The following WWC2 variants were observed in gnomAD, a reference collection of about 807,000 sequenced individuals.
WWC2 encodes protein WWC2.
WWC2 carries 101 observed loss-of-function variants against 138.5 expected under a neutral mutation model. The observed-to-expected ratio is 0.73, with a 90% CI of 0.62 to 0.86. The LOEUF is 0.86. Ranked by LOEUF, WWC2 falls within the 40% of genes least tolerant of loss-of-function variation. The pLI is 0.00. For synonymous variants in WWC2, 558 were observed against 538.4 expected, an observed-to-expected ratio of 1.04 and a Z score of -0.50; for missense variants, 1,420 against 1,419.4, an observed-to-expected ratio of 1.00 and a Z score of -0.01.
At chr4:183,222,884 T>G (rs1052995828) in intron 4 of WWC2, among the ~76,000 whole-genome samples, 1 of 152,160 alleles carries the variant, frequency 6.6e-6, no homozygotes, top group Non-Finnish European at 1.5e-5. Flanking sequence ...GAGAATCACT[T>G]GAACCTGGGA....
intron 17 of WWC2, chr4:183,281,186 A>G (rs1738060945): frequency 2.3e-6 from 1 of 437,390 alleles, no homozygotes; most frequent in Non-Finnish European, 4.0e-6. Context: ...TGATTTTGAA[A>G]GGTATGGTAG....
chr4:183,240,572 G>A (rs1035625595), intron 5 of WWC2: 24 of 195,698 alleles, frequency 1.2e-4, no homozygotes, highest in African/African-American at 4.9e-4. Flanking sequence ...GTGGTACAGA[G>A]CTAAGAGACT....
intron 17 of WWC2, chr4:183,281,130 A>C (rs1738058596): frequency 1.9e-6 from 1 of 512,832 alleles, no homozygotes. Flanking sequence ...GTTTCGAGTA[A>C]TTTTAAAACA....
rs552493930 is a variant in WWC2, at chr4:183,319,297, G to A, written c.*3568G>A. On this transcript the variant is annotated 3_prime_UTR_variant, in exon 23 of 23. Coordinates refer to ENST00000403733, the MANE Select transcript of WWC2 (RefSeq NM_024949.6). ...GATTAATGTTTTATTTACCACTTCT[G>A]TGCAATCGCTATTTTAAAATTGAGA... 9.8e-6 allele frequency: 4 copies of A among 407,554 alleles called. No homozygotes were observed. In the South Asian group the frequency reaches 1.8e-4, roughly 18 times the overall value. The allele number at this position is 407,554 out of a possible 1,614,324, so 25.2% of individuals were successfully genotyped here. A position where few individuals can be genotyped will look rare whatever the true frequency, so the allele number is the denominator to read the frequency against.
chr4:183,163,316 G>A (rs571952019), intron 1 of WWC2, among the ~76,000 whole-genome samples: 23 of 152,306 alleles, frequency 1.5e-4, no homozygotes, highest in African/African-American at 4.3e-4. Flanking sequence ...CTGGGCTGCC[G>A]GAGTAGCCAT....
intron 16 of WWC2, among the ~76,000 whole-genome samples, chr4:183,277,983 T>G (rs1449766898): frequency 1.3e-5 from 2 of 151,926 alleles, no homozygotes; most frequent in Non-Finnish European, 2.9e-5. Flanking sequence ...TTAGTTTAAT[T>G]AGATCCCATT....
intron 4 of WWC2, among the ~76,000 whole-genome samples, chr4:183,218,542 A>G (rs1214560558): frequency 6.6e-6 from 1 of 152,224 alleles, no homozygotes; most frequent in East Asian, 1.9e-4. Flanking sequence ...GATATTTGTT[A>G]TAAAGAATTG....
intron 1 of WWC2, among the ~76,000 whole-genome samples, chr4:183,189,252 TG>T (rs1490404563): frequency 6.6e-6 from 1 of 151,496 alleles, no homozygotes; most frequent in East Asian, 2.0e-4. Flanking sequence ...CAGGCCAACA[TG>T]GTGAAACCCC....
intron 1 of WWC2, among the ~76,000 whole-genome samples, chr4:183,187,422 C>T (rs1734839705): frequency 2.0e-5 from 3 of 151,292 alleles, no homozygotes. Context: ...GGCATGGTGG[C>T]ACGCACCTGT....
chr4:183,245,359 T>C (rs2111322912), intron 5 of WWC2, 57 bp from the exon 6 acceptor site: 1 of 1,406,036 alleles, frequency 7.1e-7, no homozygotes, highest in South Asian at 1.7e-5. Flanking sequence ...CTACTCTCTG[T>C]TTAACTTATA....
chr4:183,106,096 GCCTC>G (rs1449310241), intron 1 of WWC2, among the ~76,000 whole-genome samples: 1 of 151,676 alleles, frequency 6.6e-6, no homozygotes, highest in Non-Finnish European at 1.5e-5. Flanking sequence ...AAGCAATTCT[GCCTC>G]AGCCTCCCGA....
chr4:183,243,809 A>C (rs1300050903), intron 5 of WWC2, among the ~76,000 whole-genome samples: 1 of 129,266 alleles, frequency 7.7e-6, no homozygotes, highest in Non-Finnish European at 1.6e-5. Flanking sequence ...TTAATCTGTG[A>C]CTTGATTGGT....
chr4:183,226,090 CTT>C (rs1332299202), intron 4 of WWC2, among the ~76,000 whole-genome samples: 1 of 138,278 alleles, frequency 7.2e-6, no homozygotes, highest in Non-Finnish European at 1.5e-5. Context: ...CTTTTCTTTT[CTT>C]TTCTTTTTTT....
chr4:183,276,119 G>A (rs945718680), intron 16 of WWC2, among the ~76,000 whole-genome samples: 8 of 151,962 alleles, frequency 5.3e-5, no homozygotes, highest in African/African-American at 1.2e-4. Context: ...TTTGTCTGGT[G>A]TTAGTAAAGC....
At chr4:183,287,041 C>T (rs1738282806) in intron 20 of WWC2, among the ~76,000 whole-genome samples, 1 of 152,108 alleles carries the variant, frequency 6.6e-6, no homozygotes, top group South Asian at 2.1e-4. Context: ...TCAGGTTCTG[C>T]CAGCAGCTTT....
intron 21 of WWC2, among the ~76,000 whole-genome samples, chr4:183,302,571 C>T: frequency 9.3e-6 from 1 of 107,116 alleles, no homozygotes; most frequent in Non-Finnish European, 2.2e-5. Context: ...CAAAGCACTG[C>T]TGTTAGCTTA....
At position 183,206,125 on chromosome 4, in the gene WWC2, A is replaced by C. The variant is rs537094489; in HGVS notation, c.242-1828A>C. ...TGCTGTCCAAAAAGTGCTTTCAGAC[A>C]GAAATGTAGGGTAATCGTGGGGTTC... is the stretch of plus-strand genomic sequence containing the variant. On this transcript the variant is annotated intron_variant, in intron 2 of 22. Coordinates refer to ENST00000403733, the MANE Select transcript of WWC2 (RefSeq NM_024949.6). 3.5e-4 allele frequency among the ~76,000 whole-genome samples: 53 copies of C among 152,248 alleles called. 1 individual carries two copies. In the South Asian group the frequency reaches 0.01, roughly 29 times the overall value.
At chr4:183,122,718 C>G (rs1732639327) in intron 1 of WWC2, among the ~76,000 whole-genome samples, 1 of 152,014 alleles carries the variant, frequency 6.6e-6, no homozygotes, top group Admixed American at 6.6e-5. Context: ...GGGGTTTTGC[C>G]ATGTTGGTCA....
intron 15 of WWC2, among the ~76,000 whole-genome samples, chr4:183,270,486 G>A (rs1463135954): frequency 6.6e-5 from 10 of 152,028 alleles, no homozygotes; most frequent in African/African-American, 2.2e-4. Flanking sequence ...CTATGAGGCC[G>A]GGTGTGGTGG....
Sources: allele counts gnomAD v4.1 joint callset (sites outside exome capture counted in the v4.1 genomes callset), GRCh38; gene constraint gnomAD v4.1.1; transcripts MANE v1.5; gene names NCBI Gene and HGNC (gene_info 2026-07-23, HGNC 2026-07-21).